The following EXD3 variants were observed in gnomAD, a reference collection of about 807,000 sequenced individuals.
The protein encoded by EXD3 is exonuclease 3'-5' domain containing 3, also known as exonuclease mut-7 homolog.
Under a neutral mutation model 98.0 loss-of-function variants are expected in EXD3, and 92 were observed. The observed-to-expected ratio is 0.94, with a 90% CI of 0.79 to 1.12. The LOEUF (loss-of-function observed/expected upper bound fraction) is 1.12. EXD3 is among the 50% of genes most tolerant of loss of function. The probability of loss-of-function intolerance (pLI) is 0.00; values close to 1 mark genes in which losing one functional copy is unlikely to be tolerated. For synonymous variants in EXD3, 569 were observed against 526.0 expected (o/e 1.08, Z -1.12); for missense variants, 1,222 against 1,191.6 (o/e 1.03, Z -0.38).
At position 137,395,339 on chromosome 9, in the gene EXD3, C is replaced by A. The variant is rs202202771; in HGVS notation, c.19G>T (p.Ala7Ser). MDPGDPAGDPAAGERHR... is the reference protein window; with the variant it reads MDPGDPSGDPAAGERHR... ...CGCTCGCCAGCGGCAGGGTCACCAG[C>A]GGGATCTCCTGGGTCCATCCTCAGG... is the stretch of plus-strand genomic sequence containing the variant. The change falls in exon 2 of 22, where the codon GCT (alanine) becomes TCT (serine). Residue 7 changes from alanine (A) to serine (S), a missense_variant. Physicochemically the swap from Ala to Ser is moderately conservative, Grantham distance 99. Transcript: ENST00000340951. The surrounding 1 kb of genome is among the most constrained non-coding windows in gnomAD (Gnocchi z 6.5). 1.4e-5 allele frequency: 23 copies of A among 1,613,206 alleles called. No homozygotes were observed. The highest frequency in any genetic ancestry group is 1.9e-5 in the Non-Finnish European group (23 of 1,179,816).
At position 137,403,952 on chromosome 9, in the gene EXD3, C is replaced by T. The variant is rs540319373; in HGVS notation, c.-47-8548G>A. On this transcript the variant is annotated intron_variant, in intron 1 of 21. Coordinates refer to ENST00000340951, the MANE Select transcript of EXD3 (RefSeq NM_017820.5). This position sits in a 1 kb window ranked among gnomAD's most constrained non-coding sequence, Gnocchi z 6.1. ...AAGGATGTGGAGTGTCCTCCAGGGC[C>T]GTACAAAGCACCACACACAGGGCGC... 2.0e-5 allele frequency among the ~76,000 whole-genome samples: 3 copies of T among 151,878 alleles called. No homozygotes were observed. The highest frequency in any genetic ancestry group is 2.1e-4 in the South Asian group (1 of 4,810).
intron 17 of EXD3, chr9:137,343,479 T>A (rs563783159): frequency 6.6e-6 from 1 of 151,852 alleles, no homozygotes; most frequent in African/African-American, 2.4e-5. Context: ...AAATACTTGT[T>A]ATGTCAGAAT....
intron 3 of EXD3, among the ~76,000 whole-genome samples, chr9:137,376,482 C>G (rs995313813): frequency 2.0e-5 from 3 of 151,936 alleles, no homozygotes; most frequent in Non-Finnish European, 4.4e-5. Context: ...GAGGCCGCCT[C>G]GAGAGACAAG....
chr9:137,414,582 G>A (rs1180426760), intron 1 of EXD3, among the ~76,000 whole-genome samples: 3 of 152,200 alleles, frequency 2.0e-5, no homozygotes, highest in Non-Finnish European at 2.9e-5. Flanking sequence ...GATAACACAC[G>A]AGGGTTCTGA....
rs1025067377 is a variant in EXD3 at position 137,383,264 on chromosome 9, A to G, written c.120+49T>C. The G allele has an allele frequency of 4.8e-6, 7 of 1,468,700 alleles. No homozygotes were observed. In the Admixed American group the frequency reaches 1.2e-4, roughly 25 times the overall value. The allele number at this position is 1,468,700 out of a possible 1,614,324, so 91.0% of individuals were successfully genotyped here. On this transcript the variant is annotated intron_variant, in intron 3 of 21. Transcript: ENST00000340951. The stretch of plus-strand genomic sequence containing the variant: ...TTAGGCCAGTCTCTGCCCAACAGTC[A>G]GTTCTGCTGGCTGTGACTTGGCACG...
At chr9:137,313,566 C>G (rs1307198602) in intron 19 of EXD3, among the ~76,000 whole-genome samples, 2 of 152,192 alleles carry the variant, frequency 1.3e-5, no homozygotes, top group African/African-American at 4.8e-5. Context: ...GAGCAAAGAG[C>G]AAGCTTGTTG....
intron 3 of EXD3, among the ~76,000 whole-genome samples, chr9:137,375,129 C>T (rs527825062): frequency 6.6e-6 from 1 of 152,332 alleles, no homozygotes; most frequent in South Asian, 2.1e-4. Context: ...CTGCCTCAGC[C>T]TCCCGTGTAG....
intron 20 of EXD3, among the ~76,000 whole-genome samples, chr9:137,307,872 G>A (rs943379210): frequency 4.6e-5 from 7 of 152,174 alleles, no homozygotes; most frequent in African/African-American, 1.7e-4. Context: ...AAGGTCTTGG[G>A]GCTCAAAGGT....
Position 137,347,047 on chromosome 9 carries a change from C to T in EXD3, c.1998+1024G>A, listed in dbSNP as rs1044731359. ...GCCAGGCTGGTCTTGAACCCCTGAC[C>T]TTGTGATCCACCCGCCTCGGCCTCC... is the stretch of plus-strand genomic sequence containing the variant. On this transcript the variant is annotated intron_variant, in intron 17 of 21. Coordinates refer to ENST00000340951, the MANE Select transcript of EXD3 (RefSeq NM_017820.5). The surrounding 1 kb of genome is among the most constrained non-coding windows in gnomAD (Gnocchi z 4.2). 7.2e-5 allele frequency among the ~76,000 whole-genome samples: 11 copies of T among 152,150 alleles called. No homozygotes were observed. Among genetic ancestry groups the T allele is most frequent in the African/African-American group, 4.8e-5 (2 of 41,436 alleles).
intron 19 of EXD3, among the ~76,000 whole-genome samples, chr9:137,312,868 C>T (rs1831440468): frequency 1.3e-5 from 2 of 152,174 alleles, no homozygotes; most frequent in South Asian, 4.1e-4. Flanking sequence ...CAGAATGTGC[C>T]TCCAGCAGTG....
intron 3 of EXD3, chr9:137,381,258 A>C (rs542000735): frequency 5.4e-5 from 8 of 148,586 alleles, no homozygotes; most frequent in African/African-American, 2.0e-4. Context: ...TAAAAATACA[A>C]AAAAAAAATT....
intron 17 of EXD3, among the ~76,000 whole-genome samples, chr9:137,336,259 C>T (rs1833347530): frequency 6.6e-6 from 1 of 152,114 alleles, no homozygotes; most frequent in Non-Finnish European, 1.5e-5. Flanking sequence ...ATCCATGTAA[C>T]CAAATGCCAC....
intron 3 of EXD3, among the ~76,000 whole-genome samples, chr9:137,373,891 A>T (rs1835767855): frequency 6.6e-6 from 1 of 152,272 alleles, no homozygotes; most frequent in Non-Finnish European, 1.5e-5. Flanking sequence ...AGCCCGAGCC[A>T]CAGGTTCACA....
intron 17 of EXD3, among the ~76,000 whole-genome samples, chr9:137,346,886 T>A (rs1165944271): frequency 6.6e-6 from 1 of 152,182 alleles, no homozygotes; most frequent in Non-Finnish European, 1.5e-5. Flanking sequence ...CGATCTCCAC[T>A]CACTGCTGCC....
chr9:137,366,364 G>T (rs929996658), intron 7 of EXD3, 129 bp downstream of exon 7: 1 of 1,347,452 alleles, frequency 7.4e-7, no homozygotes. Flanking sequence ...CATGGCAGCT[G>T]TGACCCAAAC....
Position 137,393,231 on chromosome 9 carries a change from G to T in EXD3, c.55+2072C>A. The T allele has an allele frequency of 1.4e-6, 1 of 702,680 alleles. No homozygotes were observed. Among genetic ancestry groups the T allele is most frequent in the South Asian group, 1.5e-5 (1 of 67,602 alleles). The allele number at this position is 702,680 out of a possible 1,614,324, so 43.5% of individuals were successfully genotyped here. ...GGAGAAGAGGCTGTAGAAGCCTGTG[G>T]GTGCCTGTGCAGGGAGAGTCAGCTC... On this transcript the variant is annotated intron_variant, in intron 2 of 21. Coordinates refer to ENST00000340951, the MANE Select transcript of EXD3 (RefSeq NM_017820.5). The surrounding 1 kb of genome is among the most constrained non-coding windows in gnomAD (Gnocchi z 4.6).
At chr9:137,337,529 T>A (rs1450447823) in intron 17 of EXD3, among the ~76,000 whole-genome samples, 2 of 151,926 alleles carry the variant, frequency 1.3e-5, no homozygotes, top group African/African-American at 4.8e-5. Flanking sequence ...CGGACACCTG[T>A]AATCCCAGCT....
Position 137,385,273 on chromosome 9 carries a change from G to A in EXD3, c.56-1896C>T, listed in dbSNP as rs577247223. 3.9e-4 allele frequency among the ~76,000 whole-genome samples: 59 copies of A among 152,322 alleles called. 1 individual carries two copies. The East Asian group carries it at 6.2e-3, about 16-fold the overall frequency. On this transcript the variant is annotated intron_variant, in intron 2 of 21. Coordinates refer to ENST00000340951, the MANE Select transcript of EXD3 (RefSeq NM_017820.5). The surrounding 1 kb of genome is among the most constrained non-coding windows in gnomAD (Gnocchi z 4.4). ...GAACACTCAAATGTCCACTGTAGGA[G>A]GACGGAGCAAGTGCATCAGCCCCGG...
chr9:137,384,053 G>A (rs1050965466), intron 2 of EXD3, among the ~76,000 whole-genome samples: 3 of 152,210 alleles, frequency 2.0e-5, no homozygotes, highest in Non-Finnish European at 4.4e-5. Context: ...TCGGAGGCCA[G>A]GGAGGGGCAG....
Sources: gnomAD v4.1 joint callset for allele counts (sites outside exome capture counted in the v4.1 genomes callset) on GRCh38, gnomAD v4.1.1 for gene constraint, Gnocchi (gnomAD v3.1) non-coding constraint, MANE v1.5 for transcripts, NCBI Gene and HGNC (gene_info 2026-07-23, HGNC 2026-07-21) for gene names.